The following ZDHHC14 variants were observed in gnomAD, a reference collection of about 807,000 sequenced individuals.
ZDHHC14 encodes the protein zDHHC palmitoyltransferase 14.
ZDHHC14 carries 16 observed loss-of-function variants against 47.7 expected under a neutral mutation model. That is an observed-to-expected ratio of 0.34 (90% CI 0.23 to 0.51). ZDHHC14 has a LOEUF of 0.51. ZDHHC14 is among the 20% of genes least tolerant of loss of function. The pLI is 0.97. For missense variants in ZDHHC14, 515 were observed against 662.5 expected, an observed-to-expected ratio of 0.78 and a Z score of 2.44; for synonymous variants, 293 against 278.9, an observed-to-expected ratio of 1.05 and a Z score of -0.50.
chr6:157,498,243 C>T (rs1232230746), intron 1 of ZDHHC14, among the ~76,000 whole-genome samples: 2 of 149,564 alleles, frequency 1.3e-5, no homozygotes, highest in Non-Finnish European at 3.0e-5. Context: ...TCGAGACCAG[C>T]CTGGACAACA....
intron 1 of ZDHHC14, among the ~76,000 whole-genome samples, chr6:157,475,000 C>A (rs1779446125): frequency 6.6e-6 from 1 of 152,066 alleles, no homozygotes. Context: ...GAGCTTTTAC[C>A]CTTGTTTTCT....
intron 1 of ZDHHC14, among the ~76,000 whole-genome samples, chr6:157,462,411 A>T (rs1431735660): frequency 6.6e-6 from 1 of 152,230 alleles, no homozygotes; most frequent in Non-Finnish European, 1.5e-5. Context: ...TCGAGCCATA[A>T]GCCTGCATTA....
At chr6:157,610,414 A>G (rs1234015146) in intron 3 of ZDHHC14, among the ~76,000 whole-genome samples, 1 of 152,210 alleles carries the variant, frequency 6.6e-6, no homozygotes, top group African/African-American at 2.4e-5. Context: ...CCTGGGTGAC[A>G]GAGCAAGACT....
At position 157,592,777 on chromosome 6, in the gene ZDHHC14, G is replaced by A. The variant is rs896078490; in HGVS notation, c.407-211G>A. The A allele has an allele frequency of 2.7e-5, 37 of 1,371,766 alleles. No homozygotes were observed. In the African/African-American group the frequency reaches 4.9e-4, roughly 18 times the overall value. The allele number at this position is 1,371,766 out of a possible 1,614,324, so 85.0% of individuals were successfully genotyped here. A position where few individuals can be genotyped will look rare whatever the true frequency, so the allele number is the denominator to read the frequency against. On this transcript the variant is annotated intron_variant, in intron 2 of 8. Coordinates refer to ENST00000359775, the MANE Select transcript of ZDHHC14 (RefSeq NM_024630.3). ...GCTGTGCTCCATTGGCCAGAGCTCA[G>A]TCACGTGGCCCCTGCACGTGTGCAA...
intron 1 of ZDHHC14, among the ~76,000 whole-genome samples, chr6:157,531,571 T>G (rs938256080): frequency 6.6e-6 from 1 of 152,094 alleles, no homozygotes; most frequent in Admixed American, 6.6e-5. Context: ...CTCTTTTGTT[T>G]GTAGTGTGCT....
intron 1 of ZDHHC14, among the ~76,000 whole-genome samples, chr6:157,420,049 G>A (rs1485104409): frequency 3.3e-5 from 5 of 152,242 alleles, no homozygotes; most frequent in African/African-American, 7.2e-5. Context: ...GAGACATGGA[G>A]CATCTTTTCA....
intron 1 of ZDHHC14, among the ~76,000 whole-genome samples, chr6:157,523,006 CT>C (rs1450575099): frequency 1.1e-5 from 1 of 92,292 alleles, no homozygotes; most frequent in African/African-American, 3.7e-5. Context: ...CTTTTCTTTT[CT>C]TTTTCTTTTC....
chr6:157,449,515 A>G (rs1778754466), intron 1 of ZDHHC14, among the ~76,000 whole-genome samples: 2 of 152,140 alleles, frequency 1.3e-5, no homozygotes, highest in African/African-American at 4.8e-5. Flanking sequence ...CCCTGACATC[A>G]TCTCCTGTTC....
At chr6:157,651,468 A>G (rs73584096) in intron 7 of ZDHHC14, among the ~76,000 whole-genome samples, 23,925 of 152,226 alleles carry the variant, frequency 0.16, 2,076 homozygotes, top group Admixed American at 0.24. Flanking sequence ...TAACTTGGTT[A>G]CATCTGCAGA....
At chr6:157,396,266 G>C (rs1447732089) in intron 1 of ZDHHC14, among the ~76,000 whole-genome samples, 4 of 152,088 alleles carry the variant, frequency 2.6e-5, no homozygotes, top group Admixed American at 1.3e-4. Flanking sequence ...GAGACTTGCT[G>C]TCCCACAAGG....
chr6:157,570,488 G>A (rs1277636339), intron 2 of ZDHHC14, among the ~76,000 whole-genome samples: 1 of 152,292 alleles, frequency 6.6e-6, no homozygotes, highest in African/African-American at 2.4e-5. Context: ...CAGCGGTTTT[G>A]TGTATATACT....
intron 6 of ZDHHC14, among the ~76,000 whole-genome samples, chr6:157,647,039 A>G (rs1777588801): frequency 6.6e-6 from 1 of 152,248 alleles, no homozygotes; most frequent in Non-Finnish European, 1.5e-5. Context: ...CAAATAAAAG[A>G]TGACTGTCCC....
intron 3 of ZDHHC14, among the ~76,000 whole-genome samples, chr6:157,616,003 T>G (rs1448654466): frequency 1.3e-5 from 2 of 152,214 alleles, no homozygotes; most frequent in African/African-American, 4.8e-5. Flanking sequence ...CACTCGGTTC[T>G]GCAGACACAT....
At chr6:157,631,044 AC>A (rs796683154) in intron 4 of ZDHHC14, 1 of 114,202 alleles carries the variant, frequency 8.8e-6, no homozygotes, top group African/African-American at 3.4e-5. Flanking sequence ...ACATACCCTT[AC>A]CCCCACACAC....
Position 157,391,523 on chromosome 6 carries a change from A to C in ZDHHC14, c.245+9257A>C, listed in dbSNP as rs143637924. Among the ~76,000 whole-genome samples the C allele has an allele frequency of 6.8e-3, 1,043 of 152,292 alleles. 12 individuals are homozygous for C. Among genetic ancestry groups the C allele is most frequent in the African/African-American group, 0.024 (1,003 of 41,564 alleles). On this transcript the variant is annotated intron_variant, in intron 1 of 8. Coordinates refer to ENST00000359775, the MANE Select transcript of ZDHHC14 (RefSeq NM_024630.3). ...GGTGTAGTTTTGTTGTGTTTTTGGT[A>C]AAGTTCATTTGGTAAAGAAAGAGTT...
At chr6:157,645,028 C>T (rs1031163186) in intron 5 of ZDHHC14, among the ~76,000 whole-genome samples, 14 of 152,114 alleles carry the variant, frequency 9.2e-5, no homozygotes, top group Admixed American at 8.5e-4. Context: ...ACTCGTGGTT[C>T]CCAGCTGCCT....
At chr6:157,471,565 G>A (rs190777240) in intron 1 of ZDHHC14, among the ~76,000 whole-genome samples, 1 of 152,348 alleles carries the variant, frequency 6.6e-6, no homozygotes, top group Admixed American at 6.5e-5. Flanking sequence ...CGTTATCACA[G>A]GAGGGAGCTA....
chr6:157,387,924 TTAA>T (rs66651112), intron 1 of ZDHHC14, among the ~76,000 whole-genome samples: 2,664 of 152,342 alleles, frequency 0.017, 69 homozygotes, highest in African/African-American at 0.061. Context: ...AAATTTATGA[TTAA>T]TAATGTCTTG....
chr6:157,538,238 G>A (rs904069335), intron 1 of ZDHHC14, among the ~76,000 whole-genome samples: 2 of 152,186 alleles, frequency 1.3e-5, no homozygotes, highest in African/African-American at 4.8e-5. Flanking sequence ...GGGTCTTAGA[G>A]GTTCCAGCAA....
Sources: gnomAD v4.1 joint callset for allele counts (sites outside exome capture counted in the v4.1 genomes callset) on GRCh38, gnomAD v4.1.1 for gene constraint, MANE v1.5 for transcripts, NCBI Gene and HGNC (gene_info 2026-07-23, HGNC 2026-07-21) for gene names.